NFATC1: variants seen among roughly 807,000 people sequenced by gnomAD.
NFATC1 encodes the protein nuclear factor of activated T-cells, cytoplasmic 1.
In NFATC1, 22 loss-of-function variants were observed where a neutral mutation model predicts 76.0. The observed-to-expected ratio is 0.29, with a 90% confidence interval of 0.21 to 0.41. The LOEUF is 0.41. NFATC1 is among the 10% of genes least tolerant of loss of function. NFATC1 has a pLI of 1.00. For synonymous variants in NFATC1, 704 were observed against 613.1 expected (o/e 1.15, Z -2.19); for missense variants, 1,357 against 1,337.7 (o/e 1.01, Z -0.23).
At chr18:79,461,995 G>A (rs1273104569) in intron 7 of NFATC1, among the ~76,000 whole-genome samples, 2 of 152,232 alleles carry the variant, frequency 1.3e-5, no homozygotes, top group South Asian at 2.1e-4. Flanking sequence ...TGGCAGACGC[G>A]TGGCTGGGTC....
intron 9 of NFATC1, among the ~76,000 whole-genome samples, chr18:79,495,682 G>A (rs1260191326): frequency 6.6e-6 from 1 of 152,282 alleles, no homozygotes; most frequent in African/African-American, 2.4e-5. Context: ...ATGTTCAGCC[G>A]CGACTGCGCG....
At chr18:79,445,310 A>G (rs1435857252) in intron 3 of NFATC1, among the ~76,000 whole-genome samples, 1 of 152,168 alleles carries the variant, frequency 6.6e-6, no homozygotes, top group Non-Finnish European at 1.5e-5. Context: ...TGGCTGCCGT[A>G]TCATCCTGGC....
At chr18:79,439,666 G>T (rs1054507425) in intron 3 of NFATC1, among the ~76,000 whole-genome samples, 8 of 152,226 alleles carry the variant, frequency 5.3e-5, no homozygotes, top group African/African-American at 1.9e-4. Context: ...CATGGTTGCC[G>T]TCGGGCTGTG....
At chr18:79,407,478 C>T (rs1378825389) in intron 1 of NFATC1, among the ~76,000 whole-genome samples, 1 of 152,204 alleles carries the variant, frequency 6.6e-6, no homozygotes, top group African/African-American at 2.4e-5. Flanking sequence ...CAGGGTCTTG[C>T]TGTGTCGCCC....
intron 6 of NFATC1, among the ~76,000 whole-genome samples, chr18:79,458,458 C>T (rs935905392): frequency 2.1e-4 from 32 of 152,032 alleles, no homozygotes; most frequent in Admixed American, 1.9e-3. Flanking sequence ...GCATCAGCAC[C>T]GGCGTGGGGG....
intron 2 of NFATC1, chr18:79,422,189 C>G (rs2086116391): frequency 6.6e-6 from 1 of 152,214 alleles, no homozygotes; most frequent in African/African-American, 2.4e-5. Flanking sequence ...CGTCTTGGCA[C>G]CACTAGAAAC....
intron 8 of NFATC1, among the ~76,000 whole-genome samples, chr18:79,476,874 C>T (rs911218940): frequency 5.9e-5 from 9 of 152,328 alleles, no homozygotes; most frequent in East Asian, 3.9e-4. Flanking sequence ...GTCGTGACTC[C>T]GGAAGATCAT....
At chr18:79,446,420 G>A (rs1028224701) in intron 3 of NFATC1, among the ~76,000 whole-genome samples, 5 of 152,100 alleles carry the variant, frequency 3.3e-5, no homozygotes, top group African/African-American at 1.2e-4. Flanking sequence ...TTTGGTCAGC[G>A]ACTCATTTAC....
intron 8 of NFATC1, among the ~76,000 whole-genome samples, chr18:79,480,460 G>A (rs961110722): frequency 3.3e-5 from 5 of 152,158 alleles, no homozygotes; most frequent in Admixed American, 1.3e-4. Context: ...CAGCCCGTGC[G>A]TCCCGATGCC....
rs552430918 is a variant in NFATC1, at chr18:79,399,656, G to A, written c.127+3305G>A. On this transcript the variant is annotated intron_variant, in intron 1 of 9. Transcript: ENST00000427363. ...CCGCTCAAGGAGGTCATCTTTGGAG[G>A]TGCCCCTAGAAGGACCGGCGGGTTT... Among the ~76,000 whole-genome samples, 5 of 152,336 alleles carry A rather than the reference G, an allele frequency of 3.3e-5. No homozygotes were observed. In the South Asian group the frequency reaches 8.3e-4, roughly 25 times the overall value.
At chr18:79,477,701 C>G (rs2089131992) in intron 8 of NFATC1, among the ~76,000 whole-genome samples, 1 of 152,124 alleles carries the variant, frequency 6.6e-6, no homozygotes. Context: ...AGTGGAGCAC[C>G]ACCGGCTGGG....
intron 2 of NFATC1, among the ~76,000 whole-genome samples, chr18:79,429,883 T>A (rs2144643525): frequency 6.6e-6 from 1 of 152,376 alleles, no homozygotes; most frequent in African/African-American, 2.4e-5. Flanking sequence ...GGACTTCACC[T>A]ATGAGGGTTC....
At chr18:79,489,209 G>A (rs2089606655) in intron 9 of NFATC1, among the ~76,000 whole-genome samples, 1 of 152,246 alleles carries the variant, frequency 6.6e-6, no homozygotes, top group Admixed American at 6.5e-5. Flanking sequence ...GAGTGCACAG[G>A]CTAGGGATGT....
chr18:79,445,308 G>A (rs917563301), intron 3 of NFATC1, among the ~76,000 whole-genome samples: 2 of 152,336 alleles, frequency 1.3e-5, no homozygotes, highest in Admixed American at 6.5e-5. Context: ...AGTGGCTGCC[G>A]TATCATCCTG....
chr18:79,486,977 C>T (rs374978531), intron 9 of NFATC1, 40 bp downstream of exon 9: 15 of 1,548,552 alleles, frequency 9.7e-6, no homozygotes, highest in Middle Eastern at 1.7e-4. Flanking sequence ...CCCCGCCTGG[C>T]GCCATGGCGT....
chr18:79,421,902 G>A (rs369935402), intron 2 of NFATC1: 12 of 152,416 alleles, frequency 7.9e-5, no homozygotes, highest in African/African-American at 2.9e-4. Context: ...CGAGGGCCAA[G>A]GGTGCTCTGT....
chr18:79,411,057 C>G lies in NFATC1; in HGVS notation c.782C>G (p.Ser261Cys), dbSNP rs1276782906. Reference protein sequence around the residue: ...WLGARSSRPASPCNKRKYSLN... With the variant: ...WLGARSSRPACPCNKRKYSLN... ...GGTGCCCGCTCCTCCAGACCCGCGTCCCCTTGCAACAAGAGGAAGTACAGC... is the reference window on the plus strand; with the variant it reads ...GGTGCCCGCTCCTCCAGACCCGCGTGCCCTTGCAACAAGAGGAAGTACAGC... Residue 261 changes from serine to cysteine, a missense_variant, in exon 2 of 10, where the codon TCC (serine) becomes TGC (cysteine). Transcript: ENST00000427363. The G allele has an allele frequency of 6.2e-7, 1 of 1,612,002 alleles. No individual in the cohort carries two copies. Among genetic ancestry groups the G allele is most frequent in the East Asian group, 2.2e-5 (1 of 44,848 alleles).
At chr18:79,430,741 T>C (rs1328859460) in intron 2 of NFATC1, among the ~76,000 whole-genome samples, 2 of 152,224 alleles carry the variant, frequency 1.3e-5, no homozygotes, top group Non-Finnish European at 2.9e-5. Flanking sequence ...AGGTGCAAGG[T>C]GCCTGAGACG....
chr18:79,411,576 G>T, intron 2 of NFATC1, 75 bp downstream of exon 2: 1 of 1,125,838 alleles, frequency 8.9e-7, no homozygotes, highest in Non-Finnish European at 1.1e-6. Context: ...GGAGCGGGAC[G>T]GGGGGCGGCG....
Sources: gnomAD v4.1 joint callset for allele counts (sites outside exome capture counted in the v4.1 genomes callset) on GRCh38, gnomAD v4.1.1 for gene constraint, MANE v1.5 for transcripts, NCBI Gene and HGNC (gene_info 2026-07-23, HGNC 2026-07-21) for gene names.